Variants in FANCB observed in about 807,000 individuals in gnomAD.
FANCB encodes FA complementation group B.
In FANCB, 5 loss-of-function variants were observed where a neutral mutation model predicts 38.9. The ratio of observed to expected loss-of-function variants is 0.13; its 90% confidence interval spans 0.07 to 0.27. The LOEUF is 0.27. Among genes scored for constraint, FANCB ranks in the 10% least tolerant of loss-of-function variants. The pLI, the probability that FANCB is intolerant of heterozygous loss-of-function variation, is 1.00. For synonymous variants in FANCB, 236 were observed against 215.4 expected, an observed-to-expected ratio of 1.10 and a Z score of -0.84; for missense variants, 573 against 602.7, an observed-to-expected ratio of 0.95 and a Z score of 0.52.
the FANCB span, among the ~76,000 whole-genome samples, chrX:14,746,655 T>G: frequency 2.7e-5 from 3 of 111,762 alleles, no homozygotes; most frequent in East Asian, 8.4e-4. Flanking sequence ...CAGTGAAAAT[T>G]TGTCAAAAAT....
the FANCB span, among the ~76,000 whole-genome samples, chrX:14,755,798 A>C: frequency 2.7e-5 from 3 of 111,519 alleles, no homozygotes; most frequent in African/African-American, 9.8e-5. Context: ...ATAGAAAAAA[A>C]AATCCTAAAA....
the FANCB span, among the ~76,000 whole-genome samples, chrX:14,706,427 C>T: frequency 5.9e-3 from 666 of 112,031 alleles, 4 homozygotes; most frequent in African/African-American, 0.021. Context: ...GTAAAAAGCT[C>T]CAAAGCTTTA....
At chrX:14,729,354 C>G in the FANCB span, among the ~76,000 whole-genome samples, 143 of 111,178 alleles carry the variant, frequency 1.3e-3, no homozygotes, top group Admixed American at 2.6e-3. Context: ...TTCAACCCCA[C>G]CTTTTCAACC....
the FANCB span, among the ~76,000 whole-genome samples, chrX:14,822,687 CAT>C: frequency 9.0e-6 from 1 of 111,619 alleles, no homozygotes; most frequent in African/African-American, 3.3e-5. Context: ...ACTTGTTACT[CAT>C]TGCAAATAAT....
At chrX:14,710,296 T>C in the FANCB span, among the ~76,000 whole-genome samples, 1 of 111,953 alleles carries the variant, frequency 8.9e-6, no homozygotes, top group Non-Finnish European at 1.9e-5. Flanking sequence ...CCAGCAGAAA[T>C]TGAGCAGTAA....
At chrX:14,842,358 G>C (rs2092357660), downstream of FANCB, among the ~76,000 whole-genome samples, 1 of 111,471 alleles carries the variant, frequency 9.0e-6, no homozygotes, top group African/African-American at 3.3e-5. Context: ...CATTTCTAAG[G>C]CATGAGAGAA....
At chrX:14,777,091 A>T in the FANCB span, among the ~76,000 whole-genome samples, 1 of 112,537 alleles carries the variant, frequency 8.9e-6, no homozygotes, top group South Asian at 3.6e-4. Flanking sequence ...CTGCTTTATC[A>T]CATGTAAGAA....
chrX:14,801,531 CAAAAT>C, the FANCB span, among the ~76,000 whole-genome samples: 1 of 111,826 alleles, frequency 8.9e-6, no homozygotes, highest in African/African-American at 3.3e-5. Flanking sequence ...TCTTAAAAAA[CAAAAT>C]AGAATAGGAT....
At chrX:14,839,377 G>A (rs1307691291), downstream of FANCB, among the ~76,000 whole-genome samples, 4 of 110,913 alleles carry the variant, frequency 3.6e-5, no homozygotes, top group Non-Finnish European at 1.9e-5. Context: ...AGATATCTAA[G>A]AAACACACTA....
At chrX:14,823,328 C>T in the FANCB span, among the ~76,000 whole-genome samples, 5 of 110,962 alleles carry the variant, frequency 4.5e-5, no homozygotes, top group East Asian at 8.5e-4. Context: ...GTGATCCGCC[C>T]GCCCCGGCCT....
At chrX:14,722,787 C>T in the FANCB span, among the ~76,000 whole-genome samples, 2 of 111,391 alleles carry the variant, frequency 1.8e-5, no homozygotes, top group Non-Finnish European at 3.8e-5. Flanking sequence ...TGTAGGGGAT[C>T]CCACCAGCTG....
chrX:14,694,548 G>A, the FANCB span, among the ~76,000 whole-genome samples: 1 of 112,140 alleles, frequency 8.9e-6, no homozygotes, highest in Non-Finnish European at 1.9e-5. Flanking sequence ...GTGGATAGTT[G>A]TGGTGTCAAG....
intron 6 of FANCB, among the ~76,000 whole-genome samples, chrX:14,851,170 T>C (rs2952102): frequency 0.011 from 1,184 of 112,068 alleles, 9 homozygotes; most frequent in Non-Finnish European, 0.016. Context: ...ATATATAACA[T>C]TCGAAAGAGT....
At chrX:14,860,941 G>A (rs970261373) in intron 3 of FANCB, among the ~76,000 whole-genome samples, 6 of 110,050 alleles carry the variant, frequency 5.5e-5, no homozygotes, top group African/African-American at 1.7e-4. Context: ...GGAGTGCAGT[G>A]GCACAATTAC....
chrX:14,839,854 A>AT (rs140712188), downstream of FANCB, among the ~76,000 whole-genome samples: 2,720 of 101,947 alleles, frequency 0.027, 80 homozygotes, highest in African/African-American at 0.088. Flanking sequence ...GTTACAAGGG[A>AT]TTTTTTTTTT....
the FANCB span, among the ~76,000 whole-genome samples, chrX:14,702,615 T>C: frequency 9.0e-6 from 1 of 111,432 alleles, no homozygotes; most frequent in Non-Finnish European, 1.9e-5. Flanking sequence ...CACTACAAAC[T>C]TAATGGCTTA....
chrX:14,821,434 T>G, the FANCB span, among the ~76,000 whole-genome samples: 1 of 111,844 alleles, frequency 8.9e-6, no homozygotes, highest in Non-Finnish European at 1.9e-5. Flanking sequence ...GAAAAGAGTC[T>G]ATCTAATTTC....
chrX:14,792,688 T>A, the FANCB span, among the ~76,000 whole-genome samples: 1 of 111,915 alleles, frequency 8.9e-6, no homozygotes. Context: ...AGAAGAAATG[T>A]AAAGAGTTGC....
At chrX:14,745,792 C>T in the FANCB span, among the ~76,000 whole-genome samples, 2 of 98,783 alleles carry the variant, frequency 2.0e-5, no homozygotes, top group African/African-American at 3.8e-5. Context: ...CTCCGCCTCC[C>T]GGGTTAACGC....
Sources: allele counts gnomAD v4.1 joint callset (sites outside exome capture counted in the v4.1 genomes callset), GRCh38; gene constraint gnomAD v4.1.1; transcripts MANE v1.5; gene names NCBI Gene and HGNC (gene_info 2026-07-23, HGNC 2026-07-21).